Variants in ETV1 observed in about 807,000 individuals in gnomAD.
ETV1 encodes ETS variant transcription factor 1, also known as ETS translocation variant 1.
A neutral mutation model predicts 62.3 loss-of-function variants in ETV1; 27 were observed. The ratio of observed to expected loss-of-function variants is 0.43; its 90% CI spans 0.32 to 0.60. The LOEUF is 0.60. Among genes scored for constraint, ETV1 ranks in the 20% least tolerant of loss-of-function variants. ETV1 has a pLI of 0.06. For synonymous variants in ETV1, 222 were observed against 199.6 expected (o/e 1.11, Z -0.94); for missense variants, 605 against 605.8 (o/e 1.00, Z 0.01).
intron 6 of ETV1, among the ~76,000 whole-genome samples, chr7:13,952,635 GACTA>G (rs1788962861): frequency 6.6e-6 from 1 of 152,146 alleles, no homozygotes; most frequent in Non-Finnish European, 1.5e-5. Flanking sequence ...TTTAAAATTT[GACTA>G]CGGGGACCCC....
intron 9 of ETV1, among the ~76,000 whole-genome samples, chr7:13,913,479 G>A (rs1486633184): frequency 6.6e-6 from 1 of 152,084 alleles, no homozygotes; most frequent in African/African-American, 2.4e-5. Context: ...TAATAATAAT[G>A]ACATCCTTAA....
At chr7:13,901,526 G>C (rs2128407556) in intron 12 of ETV1, among the ~76,000 whole-genome samples, 1 of 152,250 alleles carries the variant, frequency 6.6e-6, no homozygotes, top group East Asian at 1.9e-4. Context: ...TATAGATAAA[G>C]AGCAGCTTAG....
At chr7:13,924,447 T>A (rs6973055) in intron 9 of ETV1, among the ~76,000 whole-genome samples, 8,494 of 152,268 alleles carry the variant, frequency 0.056, 280 homozygotes, top group Middle Eastern at 0.14. Flanking sequence ...GCAGAATGCA[T>A]CTTCATAATT....
Position 13,894,786 on chromosome 7 carries a change from A to C in ETV1, c.*1080T>G. The C allele has an allele frequency of 4.3e-6, 1 of 232,736 alleles. No homozygotes were observed. The highest frequency in any genetic ancestry group is 8.5e-6 in the Non-Finnish European group (1 of 117,488). 14.4% of individuals were successfully genotyped at this position (232,736 alleles called of 1,614,324 possible). Reference sequence around the variant, plus strand: ...AGCATTAGCATTATCTAATATTTATATATGTTATCAACATAACACAGCAGT... The same window carrying C: ...AGCATTAGCATTATCTAATATTTATCTATGTTATCAACATAACACAGCAGT... On this transcript the variant is annotated 3_prime_UTR_variant, in exon 14 of 14. Transcript: ENST00000430479.
chr7:13,989,377 G>T lies in ETV1; in HGVS notation c.-197C>A, dbSNP rs1487680780. The T allele has an allele frequency of 6.2e-6, 3 of 483,490 alleles. No individual in the cohort carries two copies. Among genetic ancestry groups the T allele is most frequent in the South Asian group, 4.1e-5 (1 of 24,610 alleles). 29.9% of individuals were successfully genotyped at this position (483,490 alleles called of 1,614,324 possible). On this transcript the variant is annotated 5_prime_UTR_variant, in exon 2 of 14. Transcript: ENST00000430479. ...TTACACTCTCGATGTTTCCCTGCGC[G>T]GTCGGTGTACCCCGGGCAGCTCTGA...
intron 5 of ETV1, 198 bp downstream of exon 5, chr7:13,986,440 T>C (rs1270424134): frequency 6.7e-7 from 1 of 1,492,194 alleles, no homozygotes; most frequent in Non-Finnish European, 8.9e-7. Context: ...TCCTGGTAAT[T>C]TGTGATGACA....
At chr7:13,962,414 A>G (rs1790294217) in intron 6 of ETV1, among the ~76,000 whole-genome samples, 1 of 151,972 alleles carries the variant, frequency 6.6e-6, no homozygotes, top group Admixed American at 6.6e-5. Context: ...CCATAGATAA[A>G]TCTCATCACG....
intron 11 of ETV1, among the ~76,000 whole-genome samples, chr7:13,907,613 T>C (rs776262015): frequency 7.9e-5 from 12 of 152,100 alleles, no homozygotes; most frequent in Non-Finnish European, 1.6e-4. Context: ...GTCTCAAAAA[T>C]AGGTGGAACT....
chr7:13,964,389 T>C (rs184289317), intron 6 of ETV1, among the ~76,000 whole-genome samples: 1 of 152,200 alleles, frequency 6.6e-6, no homozygotes, highest in East Asian at 1.9e-4. Context: ...AAGAAAAACA[T>C]CTTATGGTTT....
At chr7:13,968,493 C>T (rs1017814168) in intron 6 of ETV1, among the ~76,000 whole-genome samples, 86 of 151,086 alleles carry the variant, frequency 5.7e-4, no homozygotes, top group African/African-American at 2.1e-3. Flanking sequence ...ATGTAATTTT[C>T]TCACTGTAAG....
At chr7:13,988,766 T>C in intron 3 of ETV1, 2 of 1,611,204 alleles carry the variant, frequency 1.2e-6, no homozygotes, top group South Asian at 1.1e-5. Flanking sequence ...CTTCCACTCA[T>C]GTTGGGCACT....
chr7:13,978,872 A>T (rs924557873), intron 5 of ETV1, among the ~76,000 whole-genome samples: 2 of 152,102 alleles, frequency 1.3e-5, no homozygotes, highest in African/African-American at 4.8e-5. Flanking sequence ...ATAAAAACGT[A>T]TGCAGTTTGA....
In ETV1 at chr7:13,900,804, TG is replaced by T; in HGVS notation, c.1145del (p.Pro382GlnfsTer3). The T allele has an allele frequency of 6.2e-7, 1 of 1,611,166 alleles. No individual in the cohort carries two copies. Among genetic ancestry groups the T allele is most frequent in the Non-Finnish European group, 8.5e-7 (1 of 1,178,670 alleles). On this transcript the variant is annotated frameshift_variant, in exon 13 of 14. Coordinates refer to ENST00000430479, the MANE Select transcript of ETV1 (RefSeq NM_004956.5). LOFTEE classifies it high-confidence loss of function. Reference sequence around the variant, plus strand: ...GGCTAAGTTTATCATAGTTCATAGCTGGCCTGTTTTTCTGAATGCCCCAACG... The same window carrying T: ...GGCTAAGTTTATCATAGTTCATAGCTGCCTGTTTTTCTGAATGCCCCAACG... ...ARRWGIQKNR[P>X]AMNYDKLSRS... is the part of the protein sequence containing the mutation.
At chr7:13,933,555 G>A (rs1001937951) in intron 8 of ETV1, among the ~76,000 whole-genome samples, 1 of 152,188 alleles carries the variant, frequency 6.6e-6, no homozygotes, top group Non-Finnish European at 1.5e-5. Context: ...AAGGAAGCAG[G>A]GTGCAGGCCA....
At position 13,977,328 on chromosome 7, in the gene ETV1, A is replaced by T; in HGVS notation, c.235+99T>A. 4.0e-6 allele frequency: 3 copies of T among 756,926 alleles called. No homozygotes were observed. The South Asian group carries it at 5.2e-5, about 13-fold the overall frequency. The allele number at this position is 756,926 out of a possible 1,614,324, so 46.9% of individuals were successfully genotyped here. On this transcript the variant is annotated intron_variant, in intron 6 of 13. Coordinates refer to ENST00000430479, the MANE Select transcript of ETV1 (RefSeq NM_004956.5). Reference sequence around the variant, plus strand: ...AGTTAAAAAGGTGCTGGTACAATGTAAGACAAGACACTGGACGTGAAAACC... The same window carrying T: ...AGTTAAAAAGGTGCTGGTACAATGTTAGACAAGACACTGGACGTGAAAACC...
At chr7:13,943,775 C>G (rs1339954755) in intron 6 of ETV1, among the ~76,000 whole-genome samples, 2 of 152,088 alleles carry the variant, frequency 1.3e-5, no homozygotes, top group Non-Finnish European at 1.5e-5. Context: ...TATCTTGCTT[C>G]TGGGTGGTGG....
At chr7:13,898,426 T>C (rs1035411310) in intron 13 of ETV1, among the ~76,000 whole-genome samples, 1 of 152,232 alleles carries the variant, frequency 6.6e-6, no homozygotes, top group Admixed American at 6.5e-5. Context: ...TCTATAATTA[T>C]ATCATCCAGA....
chr7:13,986,652 G>A lies in ETV1; in HGVS notation c.167C>T (p.Thr56Ile), dbSNP rs748240043. Residue 56 changes from threonine to isoleucine, a missense_variant, in exon 5 of 14, where the codon ACA becomes ATA. Around this residue, in one of 3 missense-constraint regions of ETV1, gnomAD observed 426 missense variants for 377.8 expected, o/e 1.13. Coordinates refer to ENST00000430479, the MANE Select transcript of ETV1 (RefSeq NM_004956.5). ...TTTTGCCTTACCTTCTGCAAGCCAT[G>A]TTTCCTGTAATTGACTTAGATCTTG... ...LFQDLSQLQE[T>I]WLAEAQVPDN... is the part of the protein sequence containing the mutation. 6.2e-7 allele frequency: 1 copy of A among 1,612,128 alleles called. No individual in the cohort carries two copies. Among genetic ancestry groups the A allele is most frequent in the East Asian group, 2.2e-5 (1 of 44,828 alleles).
intron 6 of ETV1, among the ~76,000 whole-genome samples, chr7:13,946,315 G>A (rs561358096): frequency 6.6e-6 from 1 of 152,244 alleles, no homozygotes; most frequent in South Asian, 2.1e-4. Context: ...CAAGAGATGT[G>A]TCTTGCATTT....
Sources: allele counts gnomAD v4.1 joint callset (sites outside exome capture counted in the v4.1 genomes callset), GRCh38; gene constraint gnomAD v4.1.1; regional missense constraint gnomAD v4.1.1; transcripts MANE v1.5; gene names NCBI Gene and HGNC (gene_info 2026-07-23, HGNC 2026-07-21).